CDH4: variants seen among roughly 807,000 people sequenced by gnomAD.
CDH4 encodes the protein cadherin 4.
In CDH4, 33 loss-of-function variants were observed where a neutral mutation model predicts 86.0. That is an observed-to-expected ratio of 0.38 (90% confidence interval 0.29 to 0.51). CDH4 has a LOEUF of 0.51. Among genes scored for constraint, CDH4 ranks in the 20% least tolerant of loss-of-function variants. The pLI, the probability that CDH4 is intolerant of heterozygous loss-of-function variation, is 0.86. For missense variants in CDH4, 1,114 were observed against 1,307.4 expected (o/e 0.85, Z 2.28); for synonymous variants, 555 against 549.4 (o/e 1.01, Z -0.14).
At chr20:61,340,928 T>A (rs1383100515) in intron 2 of CDH4, among the ~76,000 whole-genome samples, 1 of 152,202 alleles carries the variant, frequency 6.6e-6, no homozygotes, top group Non-Finnish European at 1.5e-5. Flanking sequence ...ATGAGCACAG[T>A]TTCAAAATGT....
intron 2 of CDH4, among the ~76,000 whole-genome samples, chr20:61,672,018 T>G (rs1407372212): frequency 7.3e-6 from 1 of 136,772 alleles, no homozygotes; most frequent in Non-Finnish European, 1.5e-5. Flanking sequence ...TATGGATGTA[T>G]GGACAGATGG....
rs915790670 is a variant in CDH4, at chr20:61,754,141, G to GCACAGCCTC, written c.396+10354_396+10362dup. On this transcript the variant is annotated intron_variant, in intron 3 of 15. Transcript: ENST00000614565. This position sits in a 1 kb window ranked among gnomAD's most constrained non-coding sequence, Gnocchi z 4.7. ...AGAGACGCCCAGAGCAGATTCTCCT[G>GCACAGCCTC]CACAGCCTCCCAGGGACCAGTGCTG... Among the ~76,000 whole-genome samples, 1 of 152,130 alleles carries GCACAGCCTC rather than the reference G, an allele frequency of 6.6e-6. No individual in the cohort carries two copies. The highest frequency in any genetic ancestry group is 1.5e-5 in the Non-Finnish European group (1 of 68,002).
intron 2 of CDH4, among the ~76,000 whole-genome samples, chr20:61,571,564 G>A (rs910522189): frequency 6.6e-6 from 1 of 152,138 alleles, no homozygotes; most frequent in African/African-American, 2.4e-5. Context: ...GAACTGGCAT[G>A]GGTCTTTCTG....
At chr20:61,607,026 G>T (rs765308591) in intron 2 of CDH4, among the ~76,000 whole-genome samples, 3 of 152,206 alleles carry the variant, frequency 2.0e-5, no homozygotes, top group Non-Finnish European at 4.4e-5. Context: ...GGTCTGTGGT[G>T]GGTGACAGTG....
At chr20:61,918,308 T>C (rs2054928197) in intron 9 of CDH4, among the ~76,000 whole-genome samples, 1 of 152,142 alleles carries the variant, frequency 6.6e-6, no homozygotes, top group Non-Finnish European at 1.5e-5. Flanking sequence ...CTGTGGAAGG[T>C]TCTGCAGGGT....
At chr20:61,461,019 G>A (rs941379189) in intron 2 of CDH4, among the ~76,000 whole-genome samples, 8 of 152,108 alleles carry the variant, frequency 5.3e-5, no homozygotes, top group Admixed American at 5.2e-4. Context: ...CTGTTTCCAG[G>A]GCCATTACCA....
chr20:61,902,909 C>T lies in CDH4; in HGVS notation c.1189-7513C>T, dbSNP rs575672531. On this transcript the variant is annotated intron_variant, in intron 8 of 15. Transcript: ENST00000614565. The surrounding 1 kb of genome is among the most constrained non-coding windows in gnomAD (Gnocchi z 4.6). ...TGGCACAGGCCTGTAGCTCCAGCTA[C>T]ATGGGAGGCCGAGGCAGGAGGATCA... is the stretch of plus-strand genomic sequence containing the variant. Among the ~76,000 whole-genome samples the T allele has an allele frequency of 1.3e-3, 201 of 150,734 alleles. No homozygotes were observed. Among genetic ancestry groups the T allele is most frequent in the African/African-American group, 4.5e-3 (182 of 40,802 alleles).
intron 2 of CDH4, among the ~76,000 whole-genome samples, chr20:61,422,296 T>C (rs2085181998): frequency 6.6e-6 from 1 of 151,024 alleles, no homozygotes; most frequent in Non-Finnish European, 1.5e-5. Context: ...TGGTAGTGCA[T>C]GCCTGTAATC....
intron 2 of CDH4, among the ~76,000 whole-genome samples, chr20:61,598,250 C>T (rs1268170569): frequency 1.3e-5 from 2 of 152,052 alleles, no homozygotes; most frequent in Non-Finnish European, 2.9e-5. Flanking sequence ...CTGCTGGGAC[C>T]TCTCCAAGCC....
intron 2 of CDH4, among the ~76,000 whole-genome samples, chr20:61,422,424 CAAAAAAAAAAAAAAAAAAAAAAAAAA>C (rs869235928): frequency 7.1e-3 from 158 of 22,262 alleles, no homozygotes; most frequent in Non-Finnish European, 8.7e-3. Flanking sequence ...AACTCCGTCT[CAAAAAAAAAAAAAAAAAAAAAAAAAA>C]AAAAAAAAAA....
intron 2 of CDH4, among the ~76,000 whole-genome samples, chr20:61,296,808 G>A (rs899829038): frequency 1.1e-4 from 17 of 152,298 alleles, no homozygotes; most frequent in Admixed American, 8.5e-4. Context: ...CACGGCAGCT[G>A]GAAGGGTGAC....
At chr20:61,710,569 G>A (rs1159778855) in intron 2 of CDH4, among the ~76,000 whole-genome samples, 2 of 152,232 alleles carry the variant, frequency 1.3e-5, no homozygotes, top group Non-Finnish European at 2.9e-5. Context: ...ATTTCATCCA[G>A]GGAACTCCAC....
chr20:61,715,773 C>T (rs917554238), intron 2 of CDH4, among the ~76,000 whole-genome samples: 39 of 152,282 alleles, frequency 2.6e-4, no homozygotes, highest in Admixed American at 2.3e-3. Flanking sequence ...TCAGCAGCCT[C>T]TTGGAAGTCA....
chr20:61,304,295 G>A (rs963922893), intron 2 of CDH4, among the ~76,000 whole-genome samples: 23 of 151,228 alleles, frequency 1.5e-4, no homozygotes, highest in East Asian at 2.0e-4. Context: ...TGGTGTGGTC[G>A]TTATAGGAGT....
intron 4 of CDH4, among the ~76,000 whole-genome samples, chr20:61,806,254 G>A (rs919068729): frequency 6.6e-6 from 1 of 152,204 alleles, no homozygotes; most frequent in African/African-American, 2.4e-5. Flanking sequence ...CTGACTGGTT[G>A]GGGGTGGAGT....
chr20:61,299,101 CAAGTT>C (rs1568787825), intron 2 of CDH4, among the ~76,000 whole-genome samples: 1 of 152,146 alleles, frequency 6.6e-6, no homozygotes, highest in African/African-American at 2.4e-5. Flanking sequence ...TAGATGGAAT[CAAGTT>C]AAGAGACAGT....
At chr20:61,699,342 A>G (rs2087748870) in intron 2 of CDH4, among the ~76,000 whole-genome samples, 1 of 152,194 alleles carries the variant, frequency 6.6e-6, no homozygotes, top group Non-Finnish European at 1.5e-5. Flanking sequence ...CCCAGTCATC[A>G]CAAGCCCCCC....
chr20:61,572,652 C>T (rs1037825859), intron 2 of CDH4, among the ~76,000 whole-genome samples: 10 of 152,206 alleles, frequency 6.6e-5, no homozygotes, highest in South Asian at 2.1e-4. Flanking sequence ...CAGGACAGCG[C>T]GTCTTTGTAT....
intron 2 of CDH4, among the ~76,000 whole-genome samples, chr20:61,538,185 G>T (rs953518329): frequency 2.0e-5 from 3 of 152,324 alleles, no homozygotes; most frequent in South Asian, 4.1e-4. Context: ...GAGATATGTG[G>T]TGGGCACCCG....
Sources: gnomAD v4.1 joint callset for allele counts (sites outside exome capture counted in the v4.1 genomes callset) on GRCh38, gnomAD v4.1.1 for gene constraint, Gnocchi (gnomAD v3.1) non-coding constraint, MANE v1.5 for transcripts, NCBI Gene and HGNC (gene_info 2026-07-23, HGNC 2026-07-21) for gene names.